SCHIP1: variants seen among roughly 807,000 people sequenced by gnomAD.
The protein encoded by SCHIP1 is schwannomin-interacting protein 1.
Under a neutral mutation model 29.7 loss-of-function variants are expected in SCHIP1, and 8 were observed. The ratio of observed to expected loss-of-function variants is 0.27; its 90% CI spans 0.16 to 0.49. SCHIP1 has a LOEUF of 0.49. Among genes scored for constraint, SCHIP1 ranks in the 20% least tolerant of loss-of-function variants. The pLI, the probability that SCHIP1 is intolerant of heterozygous loss-of-function variation, is 0.99. For synonymous variants in SCHIP1, 76 were observed against 94.9 expected (o/e 0.80, Z 1.16); for missense variants, 193 against 294.6 (o/e 0.66, Z 2.52).
At chr3:159,363,243 C>T in the SCHIP1 span, among the ~76,000 whole-genome samples, 1 of 150,914 alleles carries the variant, frequency 6.6e-6, no homozygotes, top group African/African-American at 2.4e-5. Context: ...AAAAATTGGC[C>T]TAATAAGTAA....
chr3:159,829,752 C>T, the SCHIP1 span, among the ~76,000 whole-genome samples: 4 of 152,188 alleles, frequency 2.6e-5, no homozygotes, highest in Admixed American at 2.6e-4. Flanking sequence ...TAAAATTACG[C>T]AAGTTGCCCA....
chr3:159,855,259 A>G (rs1425211185), intron 1 of SCHIP1, among the ~76,000 whole-genome samples: 1 of 152,218 alleles, frequency 6.6e-6, no homozygotes, highest in Admixed American at 6.5e-5. Flanking sequence ...CATTATAATT[A>G]TCCTTCTTTT....
chr3:159,892,025 G>T, intron 5 of SCHIP1, 72 bp from the exon 7 acceptor site: 3 of 1,529,702 alleles, frequency 2.0e-6, no homozygotes, highest in Non-Finnish European at 2.7e-6. Context: ...GTGTATACTG[G>T]TTGGTAACTA....
the SCHIP1 span, among the ~76,000 whole-genome samples, chr3:159,692,406 G>A: frequency 1.3e-5 from 2 of 152,068 alleles, no homozygotes; most frequent in African/African-American, 4.8e-5. Context: ...ATATTTCTTG[G>A]AGGCTTTGTT....
At chr3:159,337,987 A>G in the SCHIP1 span, among the ~76,000 whole-genome samples, 1 of 152,176 alleles carries the variant, frequency 6.6e-6, no homozygotes, top group Non-Finnish European at 1.5e-5. Flanking sequence ...ATGTCCTTCA[A>G]TCTTAACTTC....
the SCHIP1 span, among the ~76,000 whole-genome samples, chr3:159,310,833 G>A: frequency 3.3e-5 from 5 of 152,074 alleles, no homozygotes; most frequent in African/African-American, 1.2e-4. Flanking sequence ...TAGAGCTAAG[G>A]TTAGGGAGAT....
the SCHIP1 span, among the ~76,000 whole-genome samples, chr3:159,641,444 C>T: frequency 6.6e-6 from 1 of 152,136 alleles, no homozygotes; most frequent in Non-Finnish European, 1.5e-5. Flanking sequence ...AAAGTTAATA[C>T]AGTTATGCTC....
chr3:159,847,507 G>C, intron 1 of SCHIP1, among the ~76,000 whole-genome samples: 1 of 152,142 alleles, frequency 6.6e-6, no homozygotes, highest in South Asian at 2.1e-4. Context: ...AACCATCAGA[G>C]AGGCCTAAGT....
At chr3:159,723,510 C>A in the SCHIP1 span, among the ~76,000 whole-genome samples, 1 of 152,182 alleles carries the variant, frequency 6.6e-6, no homozygotes. Flanking sequence ...TCCATAAGAA[C>A]ATTTTTAATG....
chr3:159,682,771 C>G, the SCHIP1 span, among the ~76,000 whole-genome samples: 1 of 152,112 alleles, frequency 6.6e-6, no homozygotes, highest in African/African-American at 2.4e-5. Context: ...TATTTGGGCT[C>G]AAATTTCACA....
the SCHIP1 span, among the ~76,000 whole-genome samples, chr3:159,618,571 A>G: frequency 2.6e-5 from 4 of 152,244 alleles, no homozygotes; most frequent in African/African-American, 9.6e-5. Context: ...AGAGACTATT[A>G]AGTATGTGGC....
At chr3:159,718,907 A>C in the SCHIP1 span, among the ~76,000 whole-genome samples, 3 of 152,370 alleles carry the variant, frequency 2.0e-5, no homozygotes, top group East Asian at 1.9e-4. Flanking sequence ...GGAACCAAAA[A>C]AGAGCCCACA....
At chr3:159,388,781 A>AAAGAT in the SCHIP1 span, among the ~76,000 whole-genome samples, 1 of 152,168 alleles carries the variant, frequency 6.6e-6, no homozygotes, top group Non-Finnish European at 1.5e-5. Context: ...AATTTGTAAT[A>AAAGAT]AAGATAATAT....
the SCHIP1 span, among the ~76,000 whole-genome samples, chr3:159,481,949 A>G: frequency 6.6e-6 from 1 of 152,126 alleles, no homozygotes; most frequent in Non-Finnish European, 1.5e-5. Context: ...AAAATAATAG[A>G]ATGGCAGTCA....
the SCHIP1 span, among the ~76,000 whole-genome samples, chr3:159,603,704 T>A: frequency 2.6e-5 from 4 of 152,302 alleles, no homozygotes; most frequent in South Asian, 8.3e-4. Context: ...ATACCTATAG[T>A]CTTAAGTCTT....
At chr3:159,297,278 T>G in the SCHIP1 span, among the ~76,000 whole-genome samples, 1 of 152,100 alleles carries the variant, frequency 6.6e-6, no homozygotes, top group Non-Finnish European at 1.5e-5. Context: ...AGATACCTCT[T>G]TGACACACTG....
chr3:159,509,587 T>C, the SCHIP1 span, among the ~76,000 whole-genome samples: 4 of 152,302 alleles, frequency 2.6e-5, no homozygotes, highest in East Asian at 7.7e-4. Context: ...ATTTGGCATG[T>C]TTTTGCAGTG....
At chr3:159,418,069 G>GT in the SCHIP1 span, among the ~76,000 whole-genome samples, 1 of 152,192 alleles carries the variant, frequency 6.6e-6, no homozygotes, top group Admixed American at 6.5e-5. Flanking sequence ...GGCCACTGAG[G>GT]TTGGTAGTTA....
chr3:159,300,511 C>G, the SCHIP1 span, among the ~76,000 whole-genome samples: 4 of 152,092 alleles, frequency 2.6e-5, no homozygotes, highest in African/African-American at 9.7e-5. Context: ...TTTTCCAGCT[C>G]CCTCTTCTGC....
Sources: allele counts gnomAD v4.1 joint callset (sites outside exome capture counted in the v4.1 genomes callset), GRCh38; gene constraint gnomAD v4.1.1; transcripts MANE v1.5; gene names NCBI Gene and HGNC (gene_info 2026-07-23, HGNC 2026-07-21).